The following TMEM116 variants were observed in gnomAD, a reference collection of about 807,000 sequenced individuals.
TMEM116 encodes the protein transmembrane protein 116.
TMEM116 carries 38 observed loss-of-function variants against 44.3 expected under a neutral mutation model. The observed-to-expected ratio is 0.86, with a 90% CI of 0.66 to 1.12. The LOEUF (loss-of-function observed/expected upper bound fraction) is 1.12. Among genes scored for constraint, TMEM116 ranks in the 50% most tolerant of loss-of-function variants. The probability of loss-of-function intolerance (pLI) is 0.00; values close to 1 mark genes in which losing one functional copy is unlikely to be tolerated. For missense variants in TMEM116, 354 were observed against 401.7 expected, an observed-to-expected ratio of 0.88 and a Z score of 1.01; for synonymous variants, 132 against 144.8, an observed-to-expected ratio of 0.91 and a Z score of 0.64.
At chr12:112,010,798 T>C (rs2077803671) in intron 1 of TMEM116, 1 of 152,346 alleles carries the variant, frequency 6.6e-6, no homozygotes, top group African/African-American at 2.4e-5. Context: ...TGCCCTACTC[T>C]GGCTGAACCC....
intron 3 of TMEM116, among the ~76,000 whole-genome samples, chr12:111,997,195 A>G (rs1389583963): frequency 6.6e-6 from 1 of 152,192 alleles, no homozygotes; most frequent in African/African-American, 2.4e-5. Flanking sequence ...TAAATAGTAC[A>G]TACATGTTTC....
intron 3 of TMEM116, among the ~76,000 whole-genome samples, chr12:111,995,965 A>T (rs1400629382): frequency 6.6e-6 from 1 of 150,742 alleles, no homozygotes; most frequent in Non-Finnish European, 1.5e-5. Flanking sequence ...ACTTGAGCCC[A>T]GGAGGTCAAG....
At chr12:111,975,996 G>GTTTTGT (rs750219132) in intron 4 of TMEM116, among the ~76,000 whole-genome samples, 14 of 152,084 alleles carry the variant, frequency 9.2e-5, no homozygotes, top group African/African-American at 3.1e-4. Flanking sequence ...TTTTTGTTTT[G>GTTTTGT]TTTTGTTTTT....
intron 4 of TMEM116, among the ~76,000 whole-genome samples, chr12:111,971,466 A>G (rs2075331751): frequency 6.6e-6 from 1 of 151,926 alleles, no homozygotes; most frequent in Non-Finnish European, 1.5e-5. Flanking sequence ...GTTAAAATGT[A>G]CGCTGTAAAC....
chr12:111,971,696 A>G (rs1280525276), intron 4 of TMEM116, among the ~76,000 whole-genome samples: 1 of 152,214 alleles, frequency 6.6e-6, no homozygotes, highest in Non-Finnish European at 1.5e-5. Flanking sequence ...GTAAGGTATT[A>G]AAGATTGTCA....
At chr12:112,009,732 G>A (rs1454697906) in intron 1 of TMEM116, among the ~76,000 whole-genome samples, 2 of 151,452 alleles carry the variant, frequency 1.3e-5, no homozygotes, top group African/African-American at 4.9e-5. Context: ...TGTAATCCCA[G>A]CTACTCAGGA....
At chr12:112,010,316 G>A (rs1347817739) in intron 1 of TMEM116, 1 of 152,190 alleles carries the variant, frequency 6.6e-6, no homozygotes. Context: ...GTGTTACGGG[G>A]TCTTTGGGGT....
At position 111,936,806 on chromosome 12, in the gene TMEM116, T is replaced by A; in HGVS notation, c.474A>T (p.Pro158=). The change falls in exon 8 of 11, where the codon CCA becomes CCT. Residue 158 remains proline (P), a synonymous_variant. Transcript: ENST00000552374. ...SHKCILMHSP[P]SAMAELPPSA... ...AAGGTGGAAGTTCAGCCATGGCTGATGGTGGTGAGTGCATCAAGATACACC... is the reference window on the plus strand; with the variant it reads ...AAGGTGGAAGTTCAGCCATGGCTGAAGGTGGTGAGTGCATCAAGATACACC... 6.2e-7 allele frequency: 1 copy of A among 1,609,508 alleles called. No homozygotes were observed. The highest frequency in any genetic ancestry group is 8.5e-7 in the Non-Finnish European group (1 of 1,177,840).
chr12:111,993,624 C>A, intron 3 of TMEM116: 1 of 557,518 alleles, frequency 1.8e-6, no homozygotes, highest in South Asian at 1.6e-5. Flanking sequence ...TAAAAACATT[C>A]TACAAAGGGG....
intron 1 of TMEM116, among the ~76,000 whole-genome samples, chr12:112,006,992 C>T (rs1340769403): frequency 6.6e-6 from 1 of 152,202 alleles, no homozygotes; most frequent in Non-Finnish European, 1.5e-5. Flanking sequence ...GTGGTCCTGG[C>T]TACTTGGGAG....
intron 4 of TMEM116, among the ~76,000 whole-genome samples, chr12:111,948,118 G>A (rs999337587): frequency 6.6e-6 from 1 of 152,152 alleles, no homozygotes; most frequent in Non-Finnish European, 1.5e-5. Context: ...AGCCTAGCAG[G>A]TACAAGGTAA....
chr12:112,003,566 T>C, intron 3 of TMEM116: 1 of 381,468 alleles, frequency 2.6e-6, no homozygotes. Context: ...AGACTCCGTC[T>C]CAAAAAAAAA....
chr12:111,976,192 G>C (rs1266610684), intron 4 of TMEM116, among the ~76,000 whole-genome samples: 3 of 151,980 alleles, frequency 2.0e-5, no homozygotes, highest in African/African-American at 7.3e-5. Context: ...ACTTTTAGTA[G>C]AGATAGGGTT....
At chr12:111,952,857 C>A (rs1593354868) in intron 4 of TMEM116, among the ~76,000 whole-genome samples, 1 of 152,158 alleles carries the variant, frequency 6.6e-6, no homozygotes, top group African/African-American at 2.4e-5. Flanking sequence ...CCTTAATAAA[C>A]TCCCCTTTAT....
chr12:112,001,160 A>G (rs995078586), intron 3 of TMEM116, among the ~76,000 whole-genome samples: 1 of 152,228 alleles, frequency 6.6e-6, no homozygotes, highest in Non-Finnish European at 1.5e-5. Flanking sequence ...TATAAATAGT[A>G]AGAAAAAAGA....
intron 4 of TMEM116, among the ~76,000 whole-genome samples, chr12:111,943,780 A>G (rs1200799726): frequency 6.6e-6 from 1 of 151,872 alleles, no homozygotes; most frequent in African/African-American, 2.4e-5. Flanking sequence ...CAGGTGATCC[A>G]CCTGCCTTGG....
At chr12:112,003,590 A>G (rs965041235) in intron 3 of TMEM116, 16 of 543,254 alleles carry the variant, frequency 2.9e-5, no homozygotes, top group Non-Finnish European at 4.4e-5. Context: ...AAAATAGTTA[A>G]TCTCTCAGAA....
At chr12:111,971,351 C>A (rs1426613929) in intron 4 of TMEM116, among the ~76,000 whole-genome samples, 1 of 151,660 alleles carries the variant, frequency 6.6e-6, no homozygotes, top group Admixed American at 6.6e-5. Context: ...AAATGCATGA[C>A]AACAATAGCA....
At chr12:111,982,148 T>C (rs1162776948) in intron 4 of TMEM116, among the ~76,000 whole-genome samples, 1 of 152,104 alleles carries the variant, frequency 6.6e-6, no homozygotes, top group Non-Finnish European at 1.5e-5. Context: ...AATAATATTA[T>C]ATACTTGAAA....
Sources: allele counts gnomAD v4.1 joint callset (sites outside exome capture counted in the v4.1 genomes callset), GRCh38; gene constraint gnomAD v4.1.1; transcripts MANE v1.5; gene names NCBI Gene and HGNC (gene_info 2026-07-23, HGNC 2026-07-21).